Variants in PCDHA11 observed in about 807,000 individuals in gnomAD.
PCDHA11 encodes the protein protocadherin alpha-11.
In PCDHA11, 61 loss-of-function variants were observed where a neutral mutation model predicts 70.3. That is an observed-to-expected ratio of 0.87 (90% confidence interval 0.71 to 1.07). The LOEUF is 1.07. Among genes scored for constraint, PCDHA11 ranks in the 50% least tolerant of loss-of-function variants. The pLI, the probability that PCDHA11 is intolerant of heterozygous loss-of-function variation, is 0.00. For synonymous variants in PCDHA11, 633 were observed against 555.1 expected (o/e 1.14, Z -1.97); for missense variants, 1,324 against 1,237.5 (o/e 1.07, Z -1.05).
At chr5:140,998,008 T>C (rs1447849810) in intron 3 of PCDHA11, among the ~76,000 whole-genome samples, 6 of 152,128 alleles carry the variant, frequency 3.9e-5, no homozygotes, top group East Asian at 1.9e-4. Flanking sequence ...GAGCCTTCCA[T>C]CCCCACCTCG....
chr5:141,009,650 C>G lies in PCDHA11; in HGVS notation c.2563C>G (p.Pro855Ala). Residue 855 changes from proline to alanine, a missense_variant, in exon 4 of 4, where the codon CCT becomes GCT. Transcript: ENST00000398640. The part of the protein sequence containing the change: ...TPEPEAGEVS[P>A]PVGAGVNSNS... ...AGAACCAGAGGCAGGAGAAGTGTCCCCTCCAGTCGGTGCGGGTGTCAACAG... is the reference window on the plus strand; with the variant it reads ...AGAACCAGAGGCAGGAGAAGTGTCCGCTCCAGTCGGTGCGGGTGTCAACAG... 1 of 1,613,886 alleles carries G rather than the reference C, an allele frequency of 6.2e-7. No individual in the cohort carries two copies. Among genetic ancestry groups the G allele is most frequent in the Non-Finnish European group, 8.5e-7 (1 of 1,179,918 alleles).
chr5:140,882,656 C>G, intron 1 of PCDHA11: 2 of 1,614,192 alleles, frequency 1.2e-6, no homozygotes, highest in Middle Eastern at 1.6e-4. Flanking sequence ...TAACGACAAC[C>G]CGCCCATATT....
intron 2 of PCDHA11, 138 bp from the exon 3 acceptor site, chr5:140,982,337 A>G: frequency 6.9e-7 from 1 of 1,455,066 alleles, no homozygotes; most frequent in East Asian, 2.5e-5. Context: ...CTCAGCAGTA[A>G]TTGCTTCAGT....
At chr5:140,923,266 T>C (rs184590818) in intron 1 of PCDHA11, among the ~76,000 whole-genome samples, 1 of 152,284 alleles carries the variant, frequency 6.6e-6, no homozygotes, top group African/African-American at 2.4e-5. Context: ...TAGTGAGACC[T>C]TGTCTCTACA....
intron 1 of PCDHA11, chr5:140,883,426 C>T: frequency 6.2e-7 from 1 of 1,614,196 alleles, no homozygotes; most frequent in Non-Finnish European, 8.5e-7. Context: ...GACAGGTCAC[C>T]TGCACCTTGA....
chr5:140,945,709 G>T (rs1033770128), intron 1 of PCDHA11, among the ~76,000 whole-genome samples: 1 of 151,930 alleles, frequency 6.6e-6, no homozygotes. Flanking sequence ...TGCAACAAAA[G>T]TATCAAGAAT....
intron 1 of PCDHA11, among the ~76,000 whole-genome samples, chr5:140,970,662 C>T (rs575204326): frequency 6.6e-6 from 1 of 152,268 alleles, no homozygotes; most frequent in South Asian, 2.1e-4. Flanking sequence ...TGTTATCTTT[C>T]CAAATAACTA....
At chr5:140,981,001 C>A (rs2096914160) in intron 2 of PCDHA11, among the ~76,000 whole-genome samples, 1 of 151,906 alleles carries the variant, frequency 6.6e-6, no homozygotes, top group Non-Finnish European at 1.5e-5. Flanking sequence ...CTAGTAGGAT[C>A]CAGGAACACT....
At position 140,963,599 on chromosome 5, in the gene PCDHA11, C is replaced by T. The variant is rs968307291; in HGVS notation, c.2392-15350C>T. On this transcript the variant is annotated intron_variant, in intron 1 of 3. Coordinates refer to ENST00000398640, the MANE Select transcript of PCDHA11 (RefSeq NM_018902.5). ...TCAAAATGTAGGATATAGTTCTAGA[C>T]GTAATTGGGAAAGCTTAACTTTGTT... Among the ~76,000 whole-genome samples, 9 of 152,254 alleles carry T rather than the reference C, an allele frequency of 5.9e-5. No individual in the cohort carries two copies. The South Asian group carries it at 1.0e-3, about 18-fold the overall frequency.
chr5:140,962,014 G>C (rs2095650512), intron 1 of PCDHA11, among the ~76,000 whole-genome samples: 1 of 151,888 alleles, frequency 6.6e-6, no homozygotes, highest in African/African-American at 2.4e-5. Flanking sequence ...TTCCCGAGTA[G>C]CTGGGACTAC....
At chr5:140,986,135 A>G (rs2097188048) in intron 3 of PCDHA11, among the ~76,000 whole-genome samples, 1 of 152,256 alleles carries the variant, frequency 6.6e-6, no homozygotes, top group Non-Finnish European at 1.5e-5. Flanking sequence ...GAAAGGATCA[A>G]CAAGGGCATC....
At chr5:140,899,654 GTC>G (rs1197760857) in intron 1 of PCDHA11, among the ~76,000 whole-genome samples, 4 of 152,276 alleles carry the variant, frequency 2.6e-5, no homozygotes, top group African/African-American at 9.6e-5. Context: ...ATTTGGTTGT[GTC>G]TCTGCCCGGC....
intron 1 of PCDHA11, among the ~76,000 whole-genome samples, chr5:140,939,994 G>A (rs2092519687): frequency 6.6e-6 from 1 of 151,998 alleles, no homozygotes; most frequent in African/African-American, 2.4e-5. Flanking sequence ...TTTCTCCTTG[G>A]ATTTTGTCAA....
chr5:140,950,738 T>C (rs900517873), intron 1 of PCDHA11, among the ~76,000 whole-genome samples: 5 of 152,150 alleles, frequency 3.3e-5, no homozygotes, highest in African/African-American at 7.2e-5. Flanking sequence ...TTAATCCTAA[T>C]TTCTCTCTAT....
At chr5:140,906,540 A>T (rs1375015616) in intron 1 of PCDHA11, among the ~76,000 whole-genome samples, 4 of 152,232 alleles carry the variant, frequency 2.6e-5, no homozygotes, top group African/African-American at 9.6e-5. Context: ...TAAAATCCTC[A>T]TTTCTGCAAC....
chr5:140,927,045 C>G, intron 1 of PCDHA11: 1 of 1,612,254 alleles, frequency 6.2e-7, no homozygotes, highest in Non-Finnish European at 8.5e-7. Context: ...CCGCTATGTC[C>G]TCGCGGAACT....
chr5:140,909,684 G>A (rs2074634664), intron 1 of PCDHA11, among the ~76,000 whole-genome samples: 1 of 152,220 alleles, frequency 6.6e-6, no homozygotes, highest in Non-Finnish European at 1.5e-5. Context: ...GGGAGCCAAT[G>A]TGGGGGTTCT....
intron 1 of PCDHA11, chr5:140,928,449 G>A (rs1225507568): frequency 3.7e-6 from 6 of 1,614,136 alleles, no homozygotes; most frequent in Non-Finnish European, 5.1e-6. Context: ...AGCAGCTCAG[G>A]GGGTTTCATT....
intron 3 of PCDHA11, among the ~76,000 whole-genome samples, chr5:140,983,987 C>T (rs1372272659): frequency 6.6e-6 from 1 of 152,126 alleles, no homozygotes; most frequent in East Asian, 1.9e-4. Context: ...CGAGTTGAAG[C>T]AATTCATTAG....
Sources: gnomAD v4.1 joint callset for allele counts (sites outside exome capture counted in the v4.1 genomes callset) on GRCh38, gnomAD v4.1.1 for gene constraint, MANE v1.5 for transcripts, NCBI Gene and HGNC (gene_info 2026-07-23, HGNC 2026-07-21) for gene names.